Variants in PCGF5 observed in about 807,000 individuals in gnomAD.
PCGF5 encodes polycomb group RING finger protein 5.
A neutral mutation model predicts 44.3 loss-of-function variants in PCGF5; 9 were observed. That is an observed-to-expected ratio of 0.20 (90% CI 0.12 to 0.35). The LOEUF (loss-of-function observed/expected upper bound fraction) is 0.35. PCGF5 is among the 10% of genes least tolerant of loss of function. The pLI, the probability that PCGF5 is intolerant of heterozygous loss-of-function variation, is 1.00. For synonymous variants in PCGF5, 95 were observed against 102.5 expected, an observed-to-expected ratio of 0.93 and a Z score of 0.44; for missense variants, 146 against 305.3, an observed-to-expected ratio of 0.48 and a Z score of 3.89.
At chr10:91,176,010 G>A (rs555671709) in intron 1 of PCGF5, among the ~76,000 whole-genome samples, 4 of 152,184 alleles carry the variant, frequency 2.6e-5, no homozygotes, top group African/African-American at 7.2e-5. Flanking sequence ...TAGCCTCCAC[G>A]GTCTTTACAA....
chr10:91,269,088 TG>T (rs1846115491), intron 8 of PCGF5, among the ~76,000 whole-genome samples: 1 of 152,176 alleles, frequency 6.6e-6, no homozygotes, highest in South Asian at 2.1e-4. Flanking sequence ...TCAGTAGGTC[TG>T]GGAATAAGAC....
chr10:91,212,011 C>G (rs1398122680), intron 1 of PCGF5, among the ~76,000 whole-genome samples: 4 of 152,202 alleles, frequency 2.6e-5, no homozygotes, highest in African/African-American at 7.2e-5. Context: ...TGCACAAACT[C>G]TCTGTACCAT....
intron 2 of PCGF5, chr10:91,227,873 C>G (rs1440410589): frequency 1.0e-6 from 1 of 984,334 alleles, no homozygotes; most frequent in Non-Finnish European, 1.2e-6. Context: ...TAAAACTCAT[C>G]CCCTCTAAGA....
chr10:91,188,428 A>G (rs192747597), intron 1 of PCGF5, among the ~76,000 whole-genome samples: 1 of 152,234 alleles, frequency 6.6e-6, no homozygotes, highest in African/African-American at 2.4e-5. Flanking sequence ...CCCTAGAAGC[A>G]GAAAATACAA....
At chr10:91,233,559 A>G (rs1337272312) in intron 2 of PCGF5, among the ~76,000 whole-genome samples, 1 of 152,236 alleles carries the variant, frequency 6.6e-6, no homozygotes, top group Non-Finnish European at 1.5e-5. Context: ...ATACACATAT[A>G]CATACATAAG....
intron 2 of PCGF5, among the ~76,000 whole-genome samples, chr10:91,225,707 A>G (rs1844813596): frequency 6.6e-6 from 1 of 152,044 alleles, no homozygotes; most frequent in African/African-American, 2.4e-5. Context: ...TTTATATACA[A>G]ATAAATACAA....
rs577391338 is a variant in PCGF5, at chr10:91,203,907, C to A, written c.-183-18782C>A. Among the ~76,000 whole-genome samples, 3 of 152,196 alleles carry A rather than the reference C, an allele frequency of 2.0e-5. No individual in the cohort carries two copies. The South Asian group carries it at 6.2e-4, about 32-fold the overall frequency. The stretch of plus-strand genomic sequence containing the variant: ...TGTGAACCTAATGATTTCAGTCAGG[C>A]CCACATTTCTGAAATGAGCGTTATG... On this transcript the variant is annotated intron_variant, in intron 1 of 9. Coordinates refer to the PCGF5 transcript ENST00000614189.
chr10:91,238,462 A>T (rs1191919120), intron 2 of PCGF5, among the ~76,000 whole-genome samples: 1 of 152,028 alleles, frequency 6.6e-6, no homozygotes, highest in Non-Finnish European at 1.5e-5. Flanking sequence ...ATACCTCTCT[A>T]TTTGGTCAAG....
At chr10:91,268,877 A>C (rs1675432174) in intron 8 of PCGF5, among the ~76,000 whole-genome samples, 1 of 152,116 alleles carries the variant, frequency 6.6e-6, no homozygotes, top group African/African-American at 2.4e-5. Context: ...TATCTTTAGG[A>C]ATCAAAACAA....
intron 2 of PCGF5, among the ~76,000 whole-genome samples, chr10:91,224,707 C>T (rs1476777336): frequency 1.3e-5 from 2 of 152,070 alleles, no homozygotes; most frequent in Non-Finnish European, 2.9e-5. Context: ...GATGGAAATA[C>T]ACTTGGCCAG....
chr10:91,243,615 CA>C (rs1271717075), intron 3 of PCGF5, among the ~76,000 whole-genome samples: 4 of 152,104 alleles, frequency 2.6e-5, no homozygotes, highest in Non-Finnish European at 4.4e-5. Flanking sequence ...AGTATGGTAG[CA>C]ATTAGCCACA....
At chr10:91,258,504 C>T (rs1015469120) in intron 6 of PCGF5, among the ~76,000 whole-genome samples, 3 of 152,084 alleles carry the variant, frequency 2.0e-5, no homozygotes, top group African/African-American at 7.2e-5. Flanking sequence ...GATTTTGGGA[C>T]ATTTCAGATT....
chr10:91,275,270 A>G (rs993485741), intron 9 of PCGF5, among the ~76,000 whole-genome samples: 7 of 152,052 alleles, frequency 4.6e-5, no homozygotes, highest in African/African-American at 1.2e-4. Context: ...GCTAATAAAC[A>G]TATAAAAATG....
chr10:91,208,363 C>T (rs1455293361), intron 1 of PCGF5, among the ~76,000 whole-genome samples: 1 of 152,128 alleles, frequency 6.6e-6, no homozygotes, highest in African/African-American at 2.4e-5. Context: ...TCCTTGGCAT[C>T]TGGGGAGAGA....
chr10:91,211,898 A>G (rs75795935), intron 1 of PCGF5, among the ~76,000 whole-genome samples: 1,592 of 152,272 alleles, frequency 0.01, 30 homozygotes, highest in African/African-American at 0.036. Flanking sequence ...CTGCAGAGCA[A>G]AGTGGTCTGG....
chr10:91,172,798 C>T (rs1843633298), intron 1 of PCGF5, among the ~76,000 whole-genome samples: 1 of 152,204 alleles, frequency 6.6e-6, no homozygotes, highest in South Asian at 2.1e-4. Context: ...TAGTTTATTG[C>T]TTTCACAGCT....
chr10:91,226,314 A>AAT (rs398014421), intron 2 of PCGF5, among the ~76,000 whole-genome samples: 8 of 150,456 alleles, frequency 5.3e-5, no homozygotes, highest in Non-Finnish European at 7.4e-5. Flanking sequence ...AAAAAAAAAA[A>AAT]TGCTGTTAAG....
At chr10:91,176,732 C>G (rs1843715052) in intron 1 of PCGF5, among the ~76,000 whole-genome samples, 1 of 152,176 alleles carries the variant, frequency 6.6e-6, no homozygotes, top group Non-Finnish European at 1.5e-5. Context: ...TCACGTAGTT[C>G]TTGTGCCATG....
chr10:91,209,182 A>G (rs557920378), intron 1 of PCGF5, among the ~76,000 whole-genome samples: 202 of 152,252 alleles, frequency 1.3e-3, no homozygotes, highest in Non-Finnish European at 2.4e-3. Context: ...TTCTGACATA[A>G]TTTCATTTAC....
Sources: gnomAD v4.1 joint callset for allele counts (sites outside exome capture counted in the v4.1 genomes callset) on GRCh38, gnomAD v4.1.1 for gene constraint, MANE v1.5 for transcripts, NCBI Gene and HGNC (gene_info 2026-07-23, HGNC 2026-07-21) for gene names.